The following TELO2 variants were observed in gnomAD, a reference collection of about 807,000 sequenced individuals.
The protein encoded by TELO2 is telomere length regulation protein TEL2 homolog.
In TELO2, 71 loss-of-function variants were observed where a neutral mutation model predicts 91.0. The ratio of observed to expected loss-of-function variants is 0.78; its 90% CI spans 0.64 to 0.95. The LOEUF (loss-of-function observed/expected upper bound fraction) is 0.95, where lower values mean the gene tolerates loss of function less well. Among genes scored for constraint, TELO2 ranks in the 40% least tolerant of loss-of-function variants. TELO2 has a pLI of 0.00. For missense variants in TELO2, 1,183 were observed against 1,141.3 expected, an observed-to-expected ratio of 1.04 and a Z score of -0.53; for synonymous variants, 584 against 518.9, an observed-to-expected ratio of 1.13 and a Z score of -1.71.
chr16:1,498,953 C>T (rs2141030565), intron 5 of TELO2, among the ~76,000 whole-genome samples: 1 of 152,230 alleles, frequency 6.6e-6, no homozygotes, highest in African/African-American at 2.4e-5. Context: ...GTGGACCCGC[C>T]TCCGCCCGGG....
At chr16:1,496,165 A>G (rs1043009424) in intron 3 of TELO2, among the ~76,000 whole-genome samples, 1 of 152,200 alleles carries the variant, frequency 6.6e-6, no homozygotes, top group Non-Finnish European at 1.5e-5. Context: ...TCCAGGCGAC[A>G]GCTCAGACGC....
chr16:1,500,444 G>T lies in TELO2; in HGVS notation c.1100G>T (p.Cys367Phe), dbSNP rs202020308. The T allele has an allele frequency of 1.8e-4, 291 of 1,609,910 alleles. No individual in the cohort carries two copies. The highest frequency in any genetic ancestry group is 5.2e-4 in the Admixed American group (31 of 59,610). ...QRHVSKAVLI[C>F]LAQLGEPELR... The stretch of plus-strand genomic sequence containing the variant: ...CACGTCAGCAAGGCTGTCCTCATCT[G>T]CCTGGCGCAACTCGGGGAGCCGGAA... Residue 367 changes from cysteine (C) to phenylalanine (F), a missense_variant, in exon 8 of 21, where the codon TGC (cysteine) becomes TTC (phenylalanine). By Grantham distance (205) the Cys-to-Phe change is radical (BLOSUM62 -2). Transcript: ENST00000262319.
rs959106178 is a variant in TELO2, at chr16:1,510,444, CT to C, written c.*511del. 1 of 224,252 alleles carries C rather than the reference CT, an allele frequency of 4.5e-6. No individual in the cohort carries two copies. The highest frequency in any genetic ancestry group is 2.3e-5 in the African/African-American group (1 of 42,554). The allele number at this position is 224,252 out of a possible 1,614,324, so 13.9% of individuals were successfully genotyped here. A position where few individuals can be genotyped will look rare whatever the true frequency, so the allele number is the denominator to read the frequency against. On this transcript the variant is annotated 3_prime_UTR_variant, in exon 21 of 21. Coordinates refer to ENST00000262319, the MANE Select transcript of TELO2 (RefSeq NM_016111.4). Reference sequence around the variant, plus strand: ...GCACGGGCTCTCAGAAAATAAACTGCTTTATTGGAATTACAGGAGTGTTGGT... The same window carrying C: ...GCACGGGCTCTCAGAAAATAAACTGCTTATTGGAATTACAGGAGTGTTGGT...
At chr16:1,507,391 G>A (rs1225489200) in intron 19 of TELO2, 21 bp downstream of exon 19, 3 of 1,608,528 alleles carry the variant, frequency 1.9e-6, no homozygotes, top group Admixed American at 3.3e-5. Flanking sequence ...TGTGGGGCTG[G>A]GCCAGGCCAG....
chr16:1,503,731 C>T lies in TELO2; in HGVS notation c.1842+729C>T, dbSNP rs1056827181. ...GAGGGGATGTGGAGTGAGGGTTTCA[C>T]GGGGACAGTTTCAGCTTGGGAAGGC... On this transcript the variant is annotated intron_variant, in intron 15 of 20. Coordinates refer to ENST00000262319, the MANE Select transcript of TELO2 (RefSeq NM_016111.4). Among the ~76,000 whole-genome samples, 5 of 152,180 alleles carry T rather than the reference C, an allele frequency of 3.3e-5. No homozygotes were observed. In the South Asian group the frequency reaches 6.2e-4, roughly 19 times the overall value.
chr16:1,502,087 G>T lies in TELO2; in HGVS notation c.1513G>T (p.Glu505Ter). 5 of 1,613,076 alleles carry T rather than the reference G, an allele frequency of 3.1e-6. No homozygotes were observed. Among genetic ancestry groups the T allele is most frequent in the Non-Finnish European group, 4.2e-6 (5 of 1,179,892 alleles). Reference protein sequence around the residue: ...FVPYDMSGDRELKSSKAPAYV... With the variant: ...FVPYDMSGDR The stretch of plus-strand genomic sequence containing the variant: ...CCCCTACGACATGTCGGGGGACAGA[G>T]AGCTGAAGAGCAGCAAGGCTCCTGC... Residue 505 changes from glutamate (E) to a stop codon, truncating the protein, a stop_gained, in exon 12 of 21, where the codon GAG becomes TAG. Coordinates refer to ENST00000262319, the MANE Select transcript of TELO2 (RefSeq NM_016111.4). LOFTEE classifies it high-confidence loss of function.
chr16:1,499,352 G>A lies in TELO2; in HGVS notation c.933+19G>A. The stretch of plus-strand genomic sequence containing the variant: ...GCTCACGGTGAGGACGCCACGGAGG[G>A]TGCAGGCTGCTGGCTGCCCCATCAC... On this transcript the variant is annotated intron_variant, in intron 6 of 20. Transcript: ENST00000262319. The A allele has an allele frequency of 6.2e-7, 1 of 1,612,840 alleles. No homozygotes were observed. Among genetic ancestry groups the A allele is most frequent in the Non-Finnish European group, 8.5e-7 (1 of 1,179,186 alleles).
At chr16:1,504,127 TAA>T (rs34788034) in intron 15 of TELO2, among the ~76,000 whole-genome samples, 6,106 of 104,802 alleles carry the variant, frequency 0.058, 332 homozygotes, top group East Asian at 0.2. Flanking sequence ...TCTGTCTCTT[TAA>T]AAAAAAAAAA....
In TELO2 at chr16:1,502,780, G is replaced by C; in HGVS notation, c.1770+19G>C. The C allele has an allele frequency of 2.5e-6, 4 of 1,609,704 alleles. No homozygotes were observed. The highest frequency in any genetic ancestry group is 3.4e-6 in the Non-Finnish European group (4 of 1,179,392). On this transcript the variant is annotated intron_variant, in intron 14 of 20. Coordinates refer to ENST00000262319, the MANE Select transcript of TELO2 (RefSeq NM_016111.4). Reference sequence around the variant, plus strand: ...GGCCCCGGTGAGTTCCCGCACCCGTGGCCCTGGCCAGTGCAGGCACAGCGG... The same window carrying C: ...GGCCCCGGTGAGTTCCCGCACCCGTCGCCCTGGCCAGTGCAGGCACAGCGG...
rs1211499996 is a variant in TELO2, at chr16:1,502,938, A to G, written c.1778A>G (p.Asp593Gly). ...VTVTDPAPVA[D>G]YLTSQFYALN... ...TCTCCCCTGTGTCCTCAGGTGGCCG[A>G]CTATCTGACCTCACAGTTCTATGCC... The change falls in exon 15 of 21, where the codon GAC becomes GGC. Residue 593 changes from aspartate (D) to glycine (G), a missense_variant. By Grantham distance (94) the Asp-to-Gly change is moderately conservative (BLOSUM62 -1). Coordinates refer to ENST00000262319, the MANE Select transcript of TELO2 (RefSeq NM_016111.4). 2.5e-6 allele frequency: 4 copies of G among 1,611,182 alleles called. No homozygotes were observed. The highest frequency in any genetic ancestry group is 1.1e-5 in the South Asian group (1 of 91,088).
rs1044346691 is a variant in TELO2, at chr16:1,493,738, G to C, written c.-37+133G>C. 2.5e-5 allele frequency: 4 copies of C among 159,850 alleles called. No homozygotes were observed. Among genetic ancestry groups the C allele is most frequent in the African/African-American group, 9.6e-5 (4 of 41,572 alleles). 9.9% of individuals were successfully genotyped at this position (159,850 alleles called of 1,614,324 possible). A position where few individuals can be genotyped will look rare whatever the true frequency, so the allele number is the denominator to read the frequency against. ...GGGTACAGGTCGGGGTCCGGGCCTG[G>C]ATCGGGGGCGGGTCCGCGTGCGGCT... On this transcript the variant is annotated intron_variant, in intron 1 of 20. Coordinates refer to ENST00000262319, the MANE Select transcript of TELO2 (RefSeq NM_016111.4). The surrounding 1 kb of genome is among the most constrained non-coding windows in gnomAD (Gnocchi z 4.3).
At chr16:1,496,564 C>T (rs780536379) in intron 3 of TELO2, among the ~76,000 whole-genome samples, 1 of 152,234 alleles carries the variant, frequency 6.6e-6, no homozygotes, top group Admixed American at 6.5e-5. Flanking sequence ...CTTTCCGCTG[C>T]CCCGCGTCCC....
chr16:1,508,086 C>T (rs1185979353), intron 20 of TELO2, among the ~76,000 whole-genome samples: 2 of 152,242 alleles, frequency 1.3e-5, no homozygotes, highest in East Asian at 3.9e-4. Context: ...TGTGACCCCG[C>T]CCACCCGCCT....
chr16:1,506,253 GGCCCGGCAGGCA>G lies in TELO2; in HGVS notation c.2055_2066del (p.Ala686_Pro689del). 1 of 1,613,682 alleles carries G rather than the reference GGCCCGGCAGGCA, an allele frequency of 6.2e-7. No homozygotes were observed. ...TGTCTGGCAGGGTGGCCCGAGGCAG[GGCCCGGCAGGCA>G]GCCCCAGCAGATTCAACTCCGTGGC... On this transcript the variant is annotated inframe_deletion, in exon 17 of 21. Coordinates refer to ENST00000262319, the MANE Select transcript of TELO2 (RefSeq NM_016111.4).
rs199530570 is a variant in TELO2, at chr16:1,500,328, T to G, written c.1003-19T>G. On this transcript the variant is annotated intron_variant, in intron 7 of 20. Transcript: ENST00000262319. The stretch of plus-strand genomic sequence containing the variant: ...ACTGGCCCCGAGCCCCACACAGTCG[T>G]GGGCCATGCCACCTGCAGGTGCTGA... 6.4e-7 allele frequency: 1 copy of G among 1,570,194 alleles called. No individual in the cohort carries two copies. The highest frequency in any genetic ancestry group is 1.3e-5 in the African/African-American group (1 of 74,166).
chr16:1,507,884 GT>G (rs2039968109), intron 20 of TELO2, among the ~76,000 whole-genome samples, 168 bp downstream of exon 20: 2 of 105,790 alleles, frequency 1.9e-5, no homozygotes, highest in Non-Finnish European at 3.7e-5. Context: ...GTGTGTGTGT[GT>G]GTGTGTGTGA....
intron 17 of TELO2, chr16:1,506,570 G>A: frequency 7.1e-7 from 1 of 1,415,946 alleles, no homozygotes; most frequent in Non-Finnish European, 9.2e-7. Context: ...GGCATGGCCG[G>A]CAGTGCCGCC....
At chr16:1,507,159 G>C in intron 18 of TELO2, 108 bp downstream of exon 18, 2 of 1,488,848 alleles carry the variant, frequency 1.3e-6, no homozygotes, top group Non-Finnish European at 1.8e-6. Context: ...GGGGCTGCCT[G>C]TGTGGGCCCC....
In TELO2 at chr16:1,497,580, A is replaced by T. The variant is rs537302800; in HGVS notation, c.830+72A>T. The T allele has an allele frequency of 1.4e-4, 213 of 1,471,872 alleles. No homozygotes were observed. The African/African-American group carries it at 2.6e-3, about 18-fold the overall frequency. The allele number at this position is 1,471,872 out of a possible 1,614,324, so 91.2% of individuals were successfully genotyped here. A position where few individuals can be genotyped will look rare whatever the true frequency, so the allele number is the denominator to read the frequency against. ...GACCCCCAGAGGCTGCCATTCCTTC[A>T]CGCTACTTCTCCTGGGCGCCGTGCT... is the stretch of plus-strand genomic sequence containing the variant. On this transcript the variant is annotated intron_variant, in intron 5 of 20. Transcript: ENST00000262319. The surrounding 1 kb of genome is among the most constrained non-coding windows in gnomAD (Gnocchi z 4.0).
Sources: gnomAD v4.1 joint callset for allele counts (sites outside exome capture counted in the v4.1 genomes callset) on GRCh38, gnomAD v4.1.1 for gene constraint, Gnocchi (gnomAD v3.1) non-coding constraint, MANE v1.5 for transcripts, NCBI Gene and HGNC (gene_info 2026-07-23, HGNC 2026-07-21) for gene names.